PTPRD: variants seen among roughly 807,000 people sequenced by gnomAD.
PTPRD encodes the protein protein tyrosine phosphatase receptor type D.
PTPRD carries 34 observed loss-of-function variants against 214.5 expected under a neutral mutation model. The ratio of observed to expected loss-of-function variants is 0.16; its 90% CI spans 0.12 to 0.21. PTPRD has a LOEUF of 0.21. Ranked by LOEUF, PTPRD falls within the 10% of genes least tolerant of loss-of-function variation. The pLI, the probability that PTPRD is intolerant of heterozygous loss-of-function variation, is 1.00. For missense variants in PTPRD, 2,545 were observed against 2,398.7 expected, an observed-to-expected ratio of 1.06 and a Z score of -1.27; for synonymous variants, 1,128 against 845.7, an observed-to-expected ratio of 1.33 and a Z score of -5.79.
chr9:8,812,547 G>A (rs981988685), intron 11 of PTPRD, among the ~76,000 whole-genome samples: 6 of 152,074 alleles, frequency 3.9e-5, no homozygotes, highest in Admixed American at 3.9e-4. Flanking sequence ...CATGTGCAAC[G>A]ACTTAAGAAA....
intron 11 of PTPRD, among the ~76,000 whole-genome samples, chr9:9,014,184 T>G (rs1395889003): frequency 4.3e-5 from 5 of 115,986 alleles, no homozygotes; most frequent in African/African-American, 6.6e-5. Context: ...CTCGTTTTTT[T>G]TTGTTTGTTT....
chr9:8,564,668 C>A (rs531648968), intron 14 of PTPRD, among the ~76,000 whole-genome samples: 95 of 152,200 alleles, frequency 6.2e-4, no homozygotes, highest in African/African-American at 2.2e-3. Flanking sequence ...CCACTGTACT[C>A]CAGCCTGGGC....
chr9:10,191,162 GA>G (rs1421058212), intron 3 of PTPRD, among the ~76,000 whole-genome samples: 3 of 152,018 alleles, frequency 2.0e-5, no homozygotes, highest in Admixed American at 1.3e-4. Flanking sequence ...ATGCTCATTT[GA>G]ATAAGAAAGA....
intron 36 of PTPRD, among the ~76,000 whole-genome samples, chr9:8,403,640 G>A (rs7876037): frequency 6.6e-6 from 1 of 152,026 alleles, no homozygotes; most frequent in African/African-American, 2.4e-5. Context: ...GCTGGATAGA[G>A]TTGAGGAGCA....
intron 14 of PTPRD, among the ~76,000 whole-genome samples, chr9:8,611,632 A>C (rs545583965): frequency 6.6e-5 from 10 of 151,980 alleles, no homozygotes; most frequent in African/African-American, 2.4e-4. Context: ...CTGAGCCTGG[A>C]AGGTCTGGGC....
intron 39 of PTPRD, among the ~76,000 whole-genome samples, chr9:8,364,260 GA>G (rs1480071650): frequency 2.6e-5 from 4 of 152,192 alleles, no homozygotes; most frequent in Non-Finnish European, 5.9e-5. Context: ...ATTACGTTAA[GA>G]AATACAGAAG....
At chr9:8,870,086 C>T (rs531929835) in intron 11 of PTPRD, among the ~76,000 whole-genome samples, 6 of 148,468 alleles carry the variant, frequency 4.0e-5, no homozygotes, top group Non-Finnish European at 7.4e-5. Context: ...GAGAATTGGT[C>T]ATGAGCTATT....
intron 3 of PTPRD, among the ~76,000 whole-genome samples, chr9:10,055,800 A>G (rs1355244156): frequency 6.6e-6 from 1 of 151,720 alleles, no homozygotes; most frequent in East Asian, 1.9e-4. Flanking sequence ...GAGGAACATT[A>G]TATATAAATA....
intron 11 of PTPRD, among the ~76,000 whole-genome samples, chr9:8,879,207 G>C (rs568951576): frequency 6.6e-6 from 1 of 152,202 alleles, no homozygotes; most frequent in African/African-American, 2.4e-5. Flanking sequence ...AGATCTGTTA[G>C]CTGAGAGATG....
intron 3 of PTPRD, among the ~76,000 whole-genome samples, chr9:10,195,899 T>C (rs1243274263): frequency 6.6e-6 from 1 of 152,034 alleles, no homozygotes; most frequent in Non-Finnish European, 1.5e-5. Context: ...TAGCCAGACA[T>C]GAAAAAACTA....
At chr9:9,711,926 T>G (rs1214627616) in intron 7 of PTPRD, among the ~76,000 whole-genome samples, 1 of 152,188 alleles carries the variant, frequency 6.6e-6, no homozygotes, top group Non-Finnish European at 1.5e-5. Flanking sequence ...GGTTGTTCAC[T>G]GGGAAAATAA....
chr9:10,592,667 G>A (rs1443698071), intron 2 of PTPRD, among the ~76,000 whole-genome samples: 1 of 151,938 alleles, frequency 6.6e-6, no homozygotes, highest in African/African-American at 2.4e-5. Context: ...TAGCTAGCAA[G>A]GGTATTGTAA....
Position 8,452,369 on chromosome 9 carries a change from T to C in PTPRD, c.3876-2532A>G, listed in dbSNP as rs10977118. Among the ~76,000 whole-genome samples the C allele has an allele frequency of 1.3e-4, 20 of 152,320 alleles. No individual in the cohort carries two copies. The East Asian group carries it at 3.9e-3, about 29-fold the overall frequency. On this transcript the variant is annotated intron_variant, in intron 33 of 45. Coordinates refer to ENST00000381196, the MANE Select transcript of PTPRD (RefSeq NM_002839.4). ...ACACAGAAACCATTTCTAGGAAAGA[T>C]GTGGAAGATGAAGAGTTTGGTCATC... is the stretch of plus-strand genomic sequence containing the variant.
chr9:9,627,112 G>C (rs1013382198), intron 7 of PTPRD, among the ~76,000 whole-genome samples: 1 of 152,112 alleles, frequency 6.6e-6, no homozygotes, highest in South Asian at 2.1e-4. Flanking sequence ...TCAGGAGTTC[G>C]AGACCAGCCT....
chr9:9,471,631 T>G (rs2094592584), intron 8 of PTPRD, among the ~76,000 whole-genome samples: 1 of 152,222 alleles, frequency 6.6e-6, no homozygotes, highest in Non-Finnish European at 1.5e-5. Context: ...TCAAGTTTTC[T>G]AATCTTACTA....
At chr9:9,828,214 T>C (rs2053623260) in intron 5 of PTPRD, among the ~76,000 whole-genome samples, 3 of 152,132 alleles carry the variant, frequency 2.0e-5, no homozygotes, top group Admixed American at 6.6e-5. Context: ...CGCATGTTTA[T>C]TGTGGCACTA....
intron 9 of PTPRD, among the ~76,000 whole-genome samples, chr9:9,225,919 C>T (rs7035832): frequency 0.53 from 80,312 of 151,702 alleles, 21,643 homozygotes; most frequent in African/African-American, 0.62. Flanking sequence ...AATACCTCCT[C>T]TTCTTCACAA....
intron 9 of PTPRD, among the ~76,000 whole-genome samples, chr9:9,280,614 TA>T (rs1331686592): frequency 6.6e-6 from 1 of 151,192 alleles, no homozygotes; most frequent in Non-Finnish European, 1.5e-5. Flanking sequence ...AAAACTTTGA[TA>T]AAAAATATCA....
intron 11 of PTPRD, among the ~76,000 whole-genome samples, chr9:8,735,720 G>T (rs2090128316): frequency 6.6e-6 from 1 of 151,932 alleles, no homozygotes; most frequent in Non-Finnish European, 1.5e-5. Flanking sequence ...GACCAGCCTG[G>T]CCAACATGGT....
Sources: gnomAD v4.1 joint callset for allele counts (sites outside exome capture counted in the v4.1 genomes callset) on GRCh38, gnomAD v4.1.1 for gene constraint, MANE v1.5 for transcripts, NCBI Gene and HGNC (gene_info 2026-07-23, HGNC 2026-07-21) for gene names.